Variants in AUTS2 observed in about 807,000 individuals in gnomAD.
AUTS2 encodes the protein autism susceptibility gene 2 protein.
A neutral mutation model predicts 112.4 loss-of-function variants in AUTS2; 17 were observed. That is an observed-to-expected ratio of 0.15 (90% CI 0.10 to 0.23). The LOEUF is 0.23. Among genes scored for constraint, AUTS2 ranks in the 10% least tolerant of loss-of-function variants. The pLI, the probability that AUTS2 is intolerant of heterozygous loss-of-function variation, is 1.00. For missense variants in AUTS2, 1,510 were observed against 1,701.6 expected (o/e 0.89, Z 1.98); for synonymous variants, 751 against 702.7 (o/e 1.07, Z -1.09).
intron 5 of AUTS2, among the ~76,000 whole-genome samples, chr7:70,459,848 C>A (rs550712645): frequency 6.6e-6 from 1 of 152,286 alleles, no homozygotes; most frequent in Non-Finnish European, 1.5e-5. Flanking sequence ...GACAACAGAG[C>A]CAGACTGTGG....
chr7:70,668,575 A>T (rs900918647), intron 5 of AUTS2, among the ~76,000 whole-genome samples: 1 of 152,104 alleles, frequency 6.6e-6, no homozygotes, highest in Non-Finnish European at 1.5e-5. Context: ...GATTGCGAAC[A>T]CCTTTCCCTG....
At chr7:69,871,125 A>C (rs758849295) in intron 1 of AUTS2, among the ~76,000 whole-genome samples, 6 of 152,206 alleles carry the variant, frequency 3.9e-5, no homozygotes, top group Non-Finnish European at 5.9e-5. Flanking sequence ...ACAATGAGTA[A>C]GGAAGGACTG....
chr7:70,080,558 G>T (rs1803251560), intron 2 of AUTS2, among the ~76,000 whole-genome samples: 1 of 152,164 alleles, frequency 6.6e-6, no homozygotes, highest in African/African-American at 2.4e-5. Flanking sequence ...TAAATTGCTT[G>T]CTATACATGA....
chr7:70,652,840 T>C (rs1182115233), intron 5 of AUTS2, among the ~76,000 whole-genome samples: 31 of 152,230 alleles, frequency 2.0e-4, no homozygotes, highest in Admixed American at 2.0e-3. Flanking sequence ...GTGGTGTTTT[T>C]TGGTGATTGG....
chr7:70,484,291 C>A (rs1054614957), intron 5 of AUTS2, among the ~76,000 whole-genome samples: 9 of 152,242 alleles, frequency 5.9e-5, no homozygotes, highest in Non-Finnish European at 1.2e-4. Flanking sequence ...TTGACTGGTT[C>A]TCTACTCTAC....
At chr7:70,742,666 G>T (rs1487049861) in intron 6 of AUTS2, among the ~76,000 whole-genome samples, 7 of 152,172 alleles carry the variant, frequency 4.6e-5, no homozygotes, top group Non-Finnish European at 8.8e-5. Flanking sequence ...GGAGGGTGAG[G>T]CAGGAGAATA....
intron 4 of AUTS2, among the ~76,000 whole-genome samples, chr7:70,304,790 G>A: frequency 7.8e-6 from 1 of 128,730 alleles, no homozygotes; most frequent in African/African-American, 3.0e-5. Context: ...CACTCAAATA[G>A]TTTCAGATTT....
chr7:69,697,545 A>G (rs1476300069), intron 1 of AUTS2, among the ~76,000 whole-genome samples: 1 of 152,186 alleles, frequency 6.6e-6, no homozygotes, highest in Non-Finnish European at 1.5e-5. Flanking sequence ...GCTTTTTCTC[A>G]GACTGTCTTA....
At chr7:70,642,887 C>A (rs17141924) in intron 5 of AUTS2, among the ~76,000 whole-genome samples, 3 of 152,148 alleles carry the variant, frequency 2.0e-5, no homozygotes, top group African/African-American at 7.2e-5. Flanking sequence ...TGCCTCTGCC[C>A]GTTGATGGCA....
intron 2 of AUTS2, among the ~76,000 whole-genome samples, chr7:69,949,154 T>C (rs1042286476): frequency 2.0e-5 from 3 of 152,176 alleles, no homozygotes; most frequent in Non-Finnish European, 4.4e-5. Context: ...AATTTGCACT[T>C]ATCTACCATT....
chr7:70,568,308 C>T (rs1801789822), intron 5 of AUTS2, among the ~76,000 whole-genome samples: 1 of 152,162 alleles, frequency 6.6e-6, no homozygotes, highest in South Asian at 2.1e-4. Flanking sequence ...GAGCAGTTTC[C>T]TTAACCATTC....
At chr7:69,767,308 T>C (rs1788470879) in intron 1 of AUTS2, among the ~76,000 whole-genome samples, 1 of 150,832 alleles carries the variant, frequency 6.6e-6, no homozygotes, top group Admixed American at 6.6e-5. Flanking sequence ...GCCTCTCAAG[T>C]AGGGACTATA....
chr7:70,096,542 T>C (rs1804210037), intron 2 of AUTS2, among the ~76,000 whole-genome samples: 1 of 143,518 alleles, frequency 7.0e-6, no homozygotes, highest in East Asian at 2.0e-4. Flanking sequence ...GAGTTTGTGG[T>C]GAGCCGAGAT....
At chr7:70,445,817 C>T (rs1029852794) in intron 5 of AUTS2, among the ~76,000 whole-genome samples, 1 of 152,184 alleles carries the variant, frequency 6.6e-6, no homozygotes, top group African/African-American at 2.4e-5. Flanking sequence ...CTAGCATGTA[C>T]TTGACACATA....
chr7:69,603,216 C>T (rs1792529680), intron 1 of AUTS2, among the ~76,000 whole-genome samples: 1 of 152,154 alleles, frequency 6.6e-6, no homozygotes, highest in Admixed American at 6.5e-5. Flanking sequence ...TAGCTTGTGC[C>T]AGTTCAGAGC....
At chr7:69,706,352 C>T (rs997145429) in intron 1 of AUTS2, among the ~76,000 whole-genome samples, 1 of 152,116 alleles carries the variant, frequency 6.6e-6, no homozygotes, top group African/African-American at 2.4e-5. Flanking sequence ...CAGGGAATAT[C>T]TGTTCTGTTA....
chr7:69,747,434 G>A (rs1425947790), intron 1 of AUTS2, among the ~76,000 whole-genome samples: 1 of 152,162 alleles, frequency 6.6e-6, no homozygotes, highest in Non-Finnish European at 1.5e-5. Context: ...ATTTGAATAT[G>A]GTATGTAGGT....
chr7:69,682,534 G>A (rs1319108297), intron 1 of AUTS2, among the ~76,000 whole-genome samples: 1 of 152,168 alleles, frequency 6.6e-6, no homozygotes, highest in Non-Finnish European at 1.5e-5. Flanking sequence ...TTAGAACTGT[G>A]ACTTAGTACT....
intron 4 of AUTS2, among the ~76,000 whole-genome samples, chr7:70,318,024 C>G (rs1342498164): frequency 6.6e-6 from 1 of 152,102 alleles, no homozygotes; most frequent in Non-Finnish European, 1.5e-5. Context: ...CCTGTGGTGT[C>G]GGTTGGATCA....
Sources: gnomAD v4.1 joint callset for allele counts (sites outside exome capture counted in the v4.1 genomes callset) on GRCh38, gnomAD v4.1.1 for gene constraint, MANE v1.5 for transcripts, NCBI Gene and HGNC (gene_info 2026-07-23, HGNC 2026-07-21) for gene names.